Variants in MARCHF7 observed in about 807,000 individuals in gnomAD.
MARCHF7 encodes the protein E3 ubiquitin-protein ligase MARCHF7.
MARCHF7 carries 20 observed loss-of-function variants against 76.5 expected under a neutral mutation model. The ratio of observed to expected loss-of-function variants is 0.26; its 90% CI spans 0.18 to 0.38. The LOEUF is 0.38. Among genes scored for constraint, MARCHF7 ranks in the 10% least tolerant of loss-of-function variants. The pLI is 1.00. For synonymous variants in MARCHF7, 295 were observed against 293.0 expected, an observed-to-expected ratio of 1.01 and a Z score of -0.07; for missense variants, 797 against 812.9, an observed-to-expected ratio of 0.98 and a Z score of 0.24.
At chr2:159,730,236 G>A (rs1702624381) in intron 4 of MARCHF7, among the ~76,000 whole-genome samples, 1 of 152,100 alleles carries the variant, frequency 6.6e-6, no homozygotes, top group Non-Finnish European at 1.5e-5. Context: ...TATCATTGTA[G>A]CAAATTTAAG....
intron 2 of MARCHF7, among the ~76,000 whole-genome samples, chr2:159,714,953 C>T (rs1328627317): frequency 6.6e-6 from 1 of 152,150 alleles, no homozygotes; most frequent in Admixed American, 6.5e-5. Context: ...GTGCTCTATG[C>T]TGCGGAATGG....
At chr2:159,717,682 A>G (rs1420012080) in intron 3 of MARCHF7, among the ~76,000 whole-genome samples, 1 of 152,232 alleles carries the variant, frequency 6.6e-6, no homozygotes, top group Non-Finnish European at 1.5e-5. Context: ...CTGTAATACA[A>G]GTTATTTTAA....
chr2:159,722,484 T>C (rs959982584), intron 3 of MARCHF7, among the ~76,000 whole-genome samples: 5 of 152,218 alleles, frequency 3.3e-5, no homozygotes, highest in Admixed American at 1.3e-4. Context: ...TGTGATTATT[T>C]GTGTAGTTTG....
intron 7 of MARCHF7, among the ~76,000 whole-genome samples, chr2:159,750,511 A>G (rs924501668): frequency 6.6e-6 from 1 of 152,124 alleles, no homozygotes; most frequent in Non-Finnish European, 1.5e-5. Context: ...GCGACAGAGC[A>G]AGACTCTGTC....
intron 3 of MARCHF7, among the ~76,000 whole-genome samples, chr2:159,719,646 A>T (rs549431120): frequency 6.6e-6 from 1 of 151,752 alleles, no homozygotes; most frequent in Non-Finnish European, 1.5e-5. Flanking sequence ...CCAGTTTTTC[A>T]ATTTTACCTA....
chr2:159,761,402 A>ATTTT (rs1437341788), intron 9 of MARCHF7, among the ~76,000 whole-genome samples: 56 of 68,348 alleles, frequency 8.2e-4, no homozygotes, highest in Admixed American at 1.4e-3. Context: ...TAAGTGAATC[A>ATTTT]TTTCTTTTTT....
rs945542620 is a variant in MARCHF7, at chr2:159,748,756, C to G, written c.1466C>G (p.Pro489Arg). 1 of 1,613,878 alleles carries G rather than the reference C, an allele frequency of 6.2e-7. No homozygotes were observed. The highest frequency in any genetic ancestry group is 1.3e-5 in the African/African-American group (1 of 74,896). Residue 489 changes from proline (P) to arginine (R), a missense_variant, in exon 7 of 12, where the codon CCT becomes CGT. Physicochemically the swap from Pro to Arg is moderately radical, Grantham distance 103 (BLOSUM62 -2). Transcript: ENST00000409175. ...GGTTCCTTATTCCGGTTTGCAGTCCCTCCAGCACTTGGGAGTAATTTGACC... is the reference window on the plus strand; with the variant it reads ...GGTTCCTTATTCCGGTTTGCAGTCCGTCCAGCACTTGGGAGTAATTTGACC... ...LPGSLFRFAVPPALGSNLTDN... is the reference protein window; with the variant it reads ...LPGSLFRFAVRPALGSNLTDN...
chr2:159,732,282 A>G (rs913265737), intron 4 of MARCHF7, among the ~76,000 whole-genome samples: 2 of 152,134 alleles, frequency 1.3e-5, no homozygotes, highest in Non-Finnish European at 2.9e-5. Context: ...ACATCCAAAA[A>G]CCAAGTAGAA....
intron 4 of MARCHF7, chr2:159,733,307 A>G (rs78545024): frequency 0.093 from 55,684 of 595,740 alleles, 2,752 homozygotes; most frequent in Non-Finnish European, 0.11. Context: ...GCACAATCTC[A>G]GCTCACTGAA....
intron 6 of MARCHF7, 75 bp from the exon 7 acceptor site, chr2:159,747,730 G>T: frequency 1.4e-6 from 2 of 1,403,544 alleles, no homozygotes; most frequent in Non-Finnish European, 1.9e-6. Flanking sequence ...CTTCGTTTTG[G>T]CATTCAACAT....
At chr2:159,743,990 TTTTTTTTTTTTTTTG>T (rs1433385341) in intron 5 of MARCHF7, among the ~76,000 whole-genome samples, 3,966 of 47,508 alleles carry the variant, frequency 0.083, 391 homozygotes, top group Admixed American at 0.3. Flanking sequence ...TTTTTTTTTT[TTTTTTTTTTTTTTTG>T]GAGACGGAGT....
At chr2:159,728,512 A>G (rs575050679) in intron 3 of MARCHF7, among the ~76,000 whole-genome samples, 11 of 152,350 alleles carry the variant, frequency 7.2e-5, no homozygotes, top group African/African-American at 2.4e-4. Flanking sequence ...TGTATGAAGT[A>G]GAAACATATA....
intron 3 of MARCHF7, 29 bp from the exon 4 acceptor site, chr2:159,728,980 G>A: frequency 7.0e-7 from 1 of 1,429,434 alleles, no homozygotes; most frequent in Admixed American, 2.4e-5. Flanking sequence ...TTTTCCCAAA[G>A]GCAATTAATG....
chr2:159,748,978 C>A, intron 7 of MARCHF7, 75 bp downstream of exon 7: 16 of 775,330 alleles, frequency 2.1e-5, no homozygotes, highest in East Asian at 4.1e-5. Flanking sequence ...TTTTTCTTTT[C>A]TTTTTTTTTT....
Position 159,717,629 on chromosome 2 carries a change from G to A in MARCHF7, c.-15+1863G>A, listed in dbSNP as rs189078198. Among the ~76,000 whole-genome samples the A allele has an allele frequency of 1.5e-3, 236 of 152,290 alleles. 1 individual carries two copies. Among genetic ancestry groups the A allele is most frequent in the Admixed American group, 3.0e-3 (46 of 15,292 alleles). On this transcript the variant is annotated intron_variant, in intron 3 of 11. Transcript: ENST00000409175. ...TTTGTGGTAAGTAGCTACTAAGGCTGTAAACCAGCAAATTAGAAAGGGAAT... is the reference window on the plus strand; with the variant it reads ...TTTGTGGTAAGTAGCTACTAAGGCTATAAACCAGCAAATTAGAAAGGGAAT...
intron 3 of MARCHF7, among the ~76,000 whole-genome samples, chr2:159,716,819 C>A (rs2125269745): frequency 6.6e-6 from 1 of 152,258 alleles, no homozygotes. Context: ...TCAGAGACTG[C>A]AGGCATAAGA....
In MARCHF7 at chr2:159,764,615, A is replaced by G. The variant is rs758385148; in HGVS notation, c.2008-11A>G. 2.5e-6 allele frequency: 4 copies of G among 1,588,402 alleles called. No homozygotes were observed. The highest frequency in any genetic ancestry group is 3.4e-6 in the Non-Finnish European group (4 of 1,166,168). On this transcript the variant is annotated splice_polypyrimidine_tract_variant and intron_variant, in intron 10 of 11. Transcript: ENST00000409175. ...TTTAAACTACTGTATTTCTTTCTGC[A>G]TTGTTTCTAGTTTATTAACCTTGCA...
intron 10 of MARCHF7, among the ~76,000 whole-genome samples, chr2:159,764,229 T>TGA: frequency 6.8e-6 from 1 of 146,072 alleles, no homozygotes; most frequent in Admixed American, 6.8e-5. Context: ...TGTGTGTGTG[T>TGA]GTGTGTGTGT....
rs964624775 is a variant in MARCHF7, at chr2:159,768,141, C to T, written c.*799C>T. ...TCAAGTTAATGGAATATTTTTAAAT[C>T]CCACATTCAGAGTTTAAAACACTGG... On this transcript the variant is annotated 3_prime_UTR_variant, in exon 12 of 12. Coordinates refer to ENST00000409175, the MANE Select transcript of MARCHF7 (RefSeq NM_001282805.2). The T allele has an allele frequency of 3.3e-5, 5 of 152,434 alleles. No individual in the cohort carries two copies. The highest frequency in any genetic ancestry group is 7.4e-5 in the Non-Finnish European group (5 of 67,958). 9.4% of individuals were successfully genotyped at this position (152,434 alleles called of 1,614,324 possible). A position where few individuals can be genotyped will look rare whatever the true frequency, so the allele number is the denominator to read the frequency against.
Sources: gnomAD v4.1 joint callset for allele counts (sites outside exome capture counted in the v4.1 genomes callset) on GRCh38, gnomAD v4.1.1 for gene constraint, MANE v1.5 for transcripts, NCBI Gene and HGNC (gene_info 2026-07-23, HGNC 2026-07-21) for gene names.